ZFPM2: variants seen among roughly 807,000 people sequenced by gnomAD.
ZFPM2 encodes zinc finger protein, FOG family member 2.
A neutral mutation model predicts 98.6 loss-of-function variants in ZFPM2; 20 were observed. That is an observed-to-expected ratio of 0.20 (90% confidence interval 0.14 to 0.29). The LOEUF (loss-of-function observed/expected upper bound fraction) is 0.29, where lower values mean the gene tolerates loss of function less well. Ranked by LOEUF, ZFPM2 falls within the 10% of genes least tolerant of loss-of-function variation. ZFPM2 has a pLI of 1.00. For synonymous variants in ZFPM2, 518 were observed against 502.7 expected (o/e 1.03, Z -0.41); for missense variants, 1,310 against 1,388.6 (o/e 0.94, Z 0.90).
chr8:105,646,913 G>T (rs139499621), intron 5 of ZFPM2, among the ~76,000 whole-genome samples: 1 of 152,090 alleles, frequency 6.6e-6, no homozygotes, highest in East Asian at 1.9e-4. Context: ...GGCTCTATAC[G>T]CCAGTTTTCC....
At chr8:105,768,658 G>A (rs1047059538) in intron 5 of ZFPM2, among the ~76,000 whole-genome samples, 8 of 151,894 alleles carry the variant, frequency 5.3e-5, no homozygotes, top group Non-Finnish European at 1.0e-4. Flanking sequence ...ACACAATTTA[G>A]AATCTCTATA....
At chr8:105,453,816 G>A (rs1446811220) in intron 3 of ZFPM2, among the ~76,000 whole-genome samples, 3 of 151,572 alleles carry the variant, frequency 2.0e-5, no homozygotes, top group Non-Finnish European at 4.4e-5. Flanking sequence ...GTAGTGATGG[G>A]GTTTCACCAT....
chr8:105,638,774 C>G (rs906080512), intron 5 of ZFPM2, among the ~76,000 whole-genome samples: 1 of 151,956 alleles, frequency 6.6e-6, no homozygotes, highest in African/African-American at 2.4e-5. Flanking sequence ...ATAAATCTCT[C>G]CTTGTCAGCG....
intron 2 of ZFPM2, among the ~76,000 whole-genome samples, chr8:105,443,295 C>T (rs911260460): frequency 6.1e-5 from 8 of 130,164 alleles, no homozygotes; most frequent in African/African-American, 1.6e-4. Context: ...AGTGACAGAG[C>T]GAGTAAGACT....
intron 4 of ZFPM2, among the ~76,000 whole-genome samples, chr8:105,584,337 A>AGT (rs1815667360): frequency 6.6e-6 from 1 of 152,120 alleles, no homozygotes; most frequent in African/African-American, 2.4e-5. Flanking sequence ...TCCACAACAA[A>AGT]GTATATCCTA....
At chr8:105,522,501 G>T (rs1013232891) in intron 3 of ZFPM2, among the ~76,000 whole-genome samples, 2 of 152,118 alleles carry the variant, frequency 1.3e-5, no homozygotes, top group Non-Finnish European at 2.9e-5. Context: ...GCTGGGCGCG[G>T]TGGCTCACGC....
intron 5 of ZFPM2, among the ~76,000 whole-genome samples, chr8:105,781,699 T>C (rs1813255866): frequency 6.6e-6 from 1 of 152,134 alleles, no homozygotes; most frequent in South Asian, 2.1e-4. Context: ...CCAGCCTGGG[T>C]GACAGAGTGA....
At chr8:105,795,688 T>A in intron 6 of ZFPM2, 2 of 374,180 alleles carry the variant, frequency 5.3e-6, no homozygotes, top group South Asian at 4.2e-5. Context: ...CCTGGCAAAT[T>A]TACCTTTGTG....
At chr8:105,787,988 A>G (rs1586266558) in intron 5 of ZFPM2, among the ~76,000 whole-genome samples, 1 of 152,328 alleles carries the variant, frequency 6.6e-6, no homozygotes, top group East Asian at 1.9e-4. Flanking sequence ...GTGTTTGAAG[A>G]GACATTTCTT....
intron 4 of ZFPM2, among the ~76,000 whole-genome samples, chr8:105,589,412 G>A (rs1815795972): frequency 6.6e-6 from 1 of 152,184 alleles, no homozygotes; most frequent in Admixed American, 6.5e-5. Context: ...TTTGGCAAAA[G>A]TGACTTTTTG....
chr8:105,587,563 A>C (rs193213018), intron 4 of ZFPM2, among the ~76,000 whole-genome samples: 2 of 152,346 alleles, frequency 1.3e-5, no homozygotes, highest in East Asian at 3.9e-4. Flanking sequence ...ACATTGTAAA[A>C]GTACTAGCAG....
intron 3 of ZFPM2, among the ~76,000 whole-genome samples, chr8:105,541,249 A>G (rs1169569453): frequency 6.6e-6 from 1 of 152,172 alleles, no homozygotes; most frequent in Non-Finnish European, 1.5e-5. Flanking sequence ...TTTAATTATT[A>G]CAAGAATCCT....
At chr8:105,750,374 A>G (rs539053005) in intron 5 of ZFPM2, among the ~76,000 whole-genome samples, 9 of 152,104 alleles carry the variant, frequency 5.9e-5, no homozygotes, top group Non-Finnish European at 1.0e-4. Context: ...AAAATTTAAC[A>G]AGTTAATTAT....
chr8:105,320,818 T>A (rs1429893487), intron 1 of ZFPM2, among the ~76,000 whole-genome samples: 10 of 152,200 alleles, frequency 6.6e-5, no homozygotes, highest in Non-Finnish European at 1.5e-4. Context: ...GTGTTACAAG[T>A]CATAAAACAT....
At chr8:105,761,616 T>G (rs1473863948) in intron 5 of ZFPM2, among the ~76,000 whole-genome samples, 2 of 151,968 alleles carry the variant, frequency 1.3e-5, no homozygotes, top group Non-Finnish European at 2.9e-5. Context: ...ACTTTTGTCC[T>G]TCTAACGTCT....
rs540590382 is a variant in ZFPM2 at position 105,687,979 on chromosome 8, T to TA, written c.532+53626dup. Among the ~76,000 whole-genome samples the TA allele has an allele frequency of 9.9e-5, 15 of 152,060 alleles. No homozygotes were observed. In the South Asian group the frequency reaches 2.9e-3, roughly 29 times the overall value. ...TAAAGTTGAGTGAATTAATGTTGGC[T>TA]AAAAGGGGTAAGTGGCATCAAAGGG... On this transcript the variant is annotated intron_variant, in intron 5 of 7. Coordinates refer to ENST00000407775, the MANE Select transcript of ZFPM2 (RefSeq NM_012082.4).
chr8:105,518,487 A>C (rs945652707), intron 3 of ZFPM2, among the ~76,000 whole-genome samples: 2 of 152,244 alleles, frequency 1.3e-5, no homozygotes, highest in Admixed American at 1.3e-4. Flanking sequence ...ATAGTTTTAC[A>C]CATCTCTCAT....
At chr8:105,643,732 G>A (rs1482888335) in intron 5 of ZFPM2, among the ~76,000 whole-genome samples, 1 of 152,088 alleles carries the variant, frequency 6.6e-6, no homozygotes, top group Non-Finnish European at 1.5e-5. Flanking sequence ...CAGTCTTCAA[G>A]GTACTATTTC....
intron 5 of ZFPM2, among the ~76,000 whole-genome samples, chr8:105,757,985 A>T (rs1343802468): frequency 6.6e-6 from 1 of 152,162 alleles, no homozygotes; most frequent in African/African-American, 2.4e-5. Context: ...TACAATCAGG[A>T]ATCACCTCAT....
Sources: allele counts gnomAD v4.1 joint callset (sites outside exome capture counted in the v4.1 genomes callset), GRCh38; gene constraint gnomAD v4.1.1; transcripts MANE v1.5; gene names NCBI Gene and HGNC (gene_info 2026-07-23, HGNC 2026-07-21).